The following AS3MT variants were observed in gnomAD, a reference collection of about 807,000 sequenced individuals.
The protein encoded by AS3MT is arsenite methyltransferase, also known as S-adenosyl-L-methionine:arsenic(III) methyltransferase.
AS3MT carries 47 observed loss-of-function variants against 45.3 expected under a neutral mutation model. The ratio of observed to expected loss-of-function variants is 1.04; its 90% confidence interval spans 0.82 to 1.32. The LOEUF is 1.32. AS3MT is among the 40% of genes most tolerant of loss of function. The pLI is 0.00. For synonymous variants in AS3MT, 141 were observed against 152.8 expected (o/e 0.92, Z 0.57); for missense variants, 396 against 451.1 (o/e 0.88, Z 1.11).
Position 102,881,206 on chromosome 10 carries a change from C to T in AS3MT, c.885+2215C>T, listed in dbSNP as rs1454220414. 3.3e-5 allele frequency among the ~76,000 whole-genome samples: 5 copies of T among 152,130 alleles called. No individual in the cohort carries two copies. The highest frequency in any genetic ancestry group is 6.6e-5 in the Admixed American group (1 of 15,260). ...GAAGTCAGAACACTCACATGCATCACGGTCACAGAACTTTAAGTCACAAGA... is the reference window on the plus strand; with the variant it reads ...GAAGTCAGAACACTCACATGCATCATGGTCACAGAACTTTAAGTCACAAGA... On this transcript the variant is annotated intron_variant, in intron 9 of 10. Transcript: ENST00000369880. The surrounding 1 kb of genome is among the most constrained non-coding windows in gnomAD (Gnocchi z 4.2).
chr10:102,878,235 A>G (rs10786719), intron 7 of AS3MT, 144 bp from the exon 8 acceptor site: 475,711 of 1,169,450 alleles, frequency 0.41, 98,529 homozygotes, highest in East Asian at 0.51. Context: ...TAGACCTTGG[A>G]GGGATGCTCA....
At chr10:102,894,535 C>A (rs1795117650) in intron 10 of AS3MT, among the ~76,000 whole-genome samples, 1 of 152,200 alleles carries the variant, frequency 6.6e-6, no homozygotes, top group Admixed American at 6.5e-5. Flanking sequence ...TCCTAAAAAA[C>A]TAGTTCAGGT....
At chr10:102,869,749 C>CAT in intron 1 of AS3MT, 56 bp from the exon 2 acceptor site, 1 of 1,613,454 alleles carries the variant, frequency 6.2e-7, no homozygotes. Flanking sequence ...GGCCCCCTCC[C>CAT]TCATGCCCGT....
At chr10:102,899,952 C>A (rs1845244728) in intron 10 of AS3MT, among the ~76,000 whole-genome samples, 1 of 152,222 alleles carries the variant, frequency 6.6e-6, no homozygotes, top group Non-Finnish European at 1.5e-5. Flanking sequence ...CAGGCGTGAG[C>A]CACCGTGCCC....
At chr10:102,893,774 T>TA (rs1357187997) in intron 10 of AS3MT, among the ~76,000 whole-genome samples, 1 of 151,944 alleles carries the variant, frequency 6.6e-6, no homozygotes. Context: ...GCTGGGATTA[T>TA]AGGCATGAGC....
Position 102,870,362 on chromosome 10 carries a change from C to T in AS3MT, c.170+151C>T. The T allele has an allele frequency of 6.6e-6, 7 of 1,060,128 alleles. No individual in the cohort carries two copies. In the South Asian group the frequency reaches 9.4e-5, roughly 14 times the overall value. 65.7% of individuals were successfully genotyped at this position (1,060,128 alleles called of 1,614,324 possible). ...AATCCTAAATCTCAGCACCCATCAT[C>T]TTACTGCTCTAAGAACCTCCGATGA... On this transcript the variant is annotated intron_variant, in intron 3 of 10. Transcript: ENST00000369880.
intron 2 of AS3MT, 40 bp from the exon 3 acceptor site, chr10:102,870,044 C>A: frequency 6.3e-7 from 1 of 1,594,778 alleles, no homozygotes; most frequent in South Asian, 1.1e-5. Flanking sequence ...CAGCTCTTCT[C>A]CCTCTCTACC....
intron 5 of AS3MT, 95 bp downstream of exon 5, chr10:102,873,328 C>A: frequency 9.7e-7 from 1 of 1,025,854 alleles, no homozygotes; most frequent in Non-Finnish European, 1.3e-6. Flanking sequence ...TCACCCAGGC[C>A]AGAGTGCAGT....
rs915324883 is a variant in AS3MT, at chr10:102,881,909, A to G, written c.885+2918A>G. The stretch of plus-strand genomic sequence containing the variant: ...TGTCACCATGCCTGGCTAATTTTTT[A>G]TTTTTATTTTTTTGTTGGTGAGACA... On this transcript the variant is annotated intron_variant, in intron 9 of 10. Coordinates refer to ENST00000369880, the MANE Select transcript of AS3MT (RefSeq NM_020682.4). This position sits in a 1 kb window ranked among gnomAD's most constrained non-coding sequence, Gnocchi z 4.2. Among the ~76,000 whole-genome samples, 1 of 137,020 alleles carries G rather than the reference A, an allele frequency of 7.3e-6. No individual in the cohort carries two copies. The highest frequency in any genetic ancestry group is 2.7e-5 in the African/African-American group (1 of 36,802). 89.9% of individuals were successfully genotyped at this position (137,020 alleles called of 152,430 possible). A position where few individuals can be genotyped will look rare whatever the true frequency, so the allele number is the denominator to read the frequency against.
At chr10:102,873,281 A>ATTG in intron 5 of AS3MT, 48 bp downstream of exon 5, 1 of 1,291,862 alleles carries the variant, frequency 7.7e-7, no homozygotes, top group Non-Finnish European at 1.0e-6. Flanking sequence ...TTTCTTTATT[A>ATTG]TTATTATTAT....
At position 102,876,969 on chromosome 10, in the gene AS3MT, T is replaced by TA. The variant is rs1484271472; in HGVS notation, c.545dup (p.Tyr182Ter). 5 of 1,614,088 alleles carry TA rather than the reference T, an allele frequency of 3.1e-6. No homozygotes were observed. The African/African-American group carries it at 6.7e-5, about 22-fold the overall frequency. Residue 182 changes from tyrosine to a stop codon, truncating the protein, a stop_gained and frameshift_variant, in exon 7 of 11, where the codon TAT (tyrosine) becomes TAAT (stop). Coordinates refer to ENST00000369880, the MANE Select transcript of AS3MT (RefSeq NM_020682.4). LOFTEE classifies it high-confidence loss of function. Reference sequence around the variant, plus strand: ...TCTGTTTCAGCATGGTGGGGAGTTATATTTCAGTGACGTCTATACGAGCCT... The same window carrying TA: ...TCTGTTTCAGCATGGTGGGGAGTTATAATTTCAGTGACGTCTATACGAGCCT... ...YRVLKHGGEL[Y>*]FSDVYTSLEL...
chr10:102,875,476 CAAAAAAA>C lies in AS3MT; in HGVS notation c.528+831_528+837del, dbSNP rs35877885. On this transcript the variant is annotated intron_variant, in intron 6 of 10. Transcript: ENST00000369880. ...TGGGAGACAGAGCGAGACTCCATCT[CAAAAAAA>C]AAAAAAAAAAAAAAAGATTCTAGCT... 2.8e-4 allele frequency among the ~76,000 whole-genome samples: 11 copies of C among 39,670 alleles called. No homozygotes were observed. The East Asian group carries it at 8.4e-3, about 30-fold the overall frequency. 26.0% of individuals were successfully genotyped at this position (39,670 alleles called of 152,430 possible). A position where few individuals can be genotyped will look rare whatever the true frequency, so the allele number is the denominator to read the frequency against.
rs750549428 is a variant in AS3MT, at chr10:102,878,450, C to T, written c.682C>T (p.Pro228Ser). ...TGCTCAAAAAATTGGGTTCTGCCCT[C>T]CACGTTTGGTCACTGCCAATCTCAT... ...VLAQKIGFCPPRLVTANLITI... is the reference protein window; with the variant it reads ...VLAQKIGFCPSRLVTANLITI... The change falls in exon 8 of 11, where the codon CCA becomes TCA. Residue 228 changes from proline (P) to serine (S), a missense_variant. Pro to Ser is a moderately conservative substitution (Grantham distance 74). Coordinates refer to ENST00000369880, the MANE Select transcript of AS3MT (RefSeq NM_020682.4). The T allele has an allele frequency of 6.2e-7, 1 of 1,614,000 alleles. No individual in the cohort carries two copies. Among genetic ancestry groups the T allele is most frequent in the Non-Finnish European group, 8.5e-7 (1 of 1,179,994 alleles).
At chr10:102,887,481 G>A (rs1024324869) in intron 9 of AS3MT, among the ~76,000 whole-genome samples, 1 of 152,052 alleles carries the variant, frequency 6.6e-6, no homozygotes, top group Admixed American at 6.6e-5. Context: ...ATTAATGTTT[G>A]CTTTATATAC....
chr10:102,891,479 T>C (rs1002060542), intron 10 of AS3MT, among the ~76,000 whole-genome samples: 23 of 152,238 alleles, frequency 1.5e-4, no homozygotes, highest in Non-Finnish European at 2.6e-4. Context: ...CACTTGGTTA[T>C]TTTACCAAAG....
In AS3MT at chr10:102,888,881, A is replaced by ATTTTTTTTTTT. The variant is rs869038434; in HGVS notation, c.886-1656_886-1646dup. ...TATATATATATATATATATATATATATTTTTTTTTTTTTTTTTGAGACGGA... is the reference window on the plus strand; with the variant it reads ...TATATATATATATATATATATATATATTTTTTTTTTTTTTTTTTTTTTTTTTTTGAGACGGA... On this transcript the variant is annotated intron_variant, in intron 9 of 10. Coordinates refer to ENST00000369880, the MANE Select transcript of AS3MT (RefSeq NM_020682.4). 1.8e-3 allele frequency among the ~76,000 whole-genome samples: 96 copies of ATTTTTTTTTTT among 52,498 alleles called. 1 individual carries two copies. Among genetic ancestry groups the ATTTTTTTTTTT allele is most frequent in the Admixed American group, 2.6e-3 (9 of 3,398 alleles). 34.4% of individuals were successfully genotyped at this position (52,498 alleles called of 152,430 possible).
intron 10 of AS3MT, among the ~76,000 whole-genome samples, chr10:102,895,191 T>G (rs1845142848): frequency 6.6e-6 from 1 of 151,896 alleles, no homozygotes; most frequent in Non-Finnish European, 1.5e-5. Context: ...TCTCAACTAT[T>G]TTAGTTCTTT....
intron 4 of AS3MT, 120 bp downstream of exon 4, chr10:102,872,718 T>A: frequency 9.0e-7 from 1 of 1,108,922 alleles, no homozygotes; most frequent in Non-Finnish European, 1.3e-6. Flanking sequence ...TTAGCAATGC[T>A]CATTTGTGCC....
chr10:102,872,472 C>T lies in AS3MT; in HGVS notation c.195C>T (p.Ile65=). ...GATATTATGGCTGTGGTCTGGTGAT[C>T]CCTGAGCATCTAGAAAACTGCTGGA... ...ALRYYGCGLV[I]PEHLENCWIL... Residue 65 remains isoleucine, a synonymous_variant, in exon 4 of 11, where the codon ATC becomes ATT. Coordinates refer to ENST00000369880, the MANE Select transcript of AS3MT (RefSeq NM_020682.4). 1 of 1,614,056 alleles carries T rather than the reference C, an allele frequency of 6.2e-7. No individual in the cohort carries two copies. Among genetic ancestry groups the T allele is most frequent in the Non-Finnish European group, 8.5e-7 (1 of 1,179,972 alleles).
Sources: gnomAD v4.1 joint callset for allele counts (sites outside exome capture counted in the v4.1 genomes callset) on GRCh38, gnomAD v4.1.1 for gene constraint, Gnocchi (gnomAD v3.1) non-coding constraint, MANE v1.5 for transcripts, NCBI Gene and HGNC (gene_info 2026-07-23, HGNC 2026-07-21) for gene names.